Variants in POU2F1 observed in about 807,000 individuals in gnomAD.
POU2F1 encodes POU class 2 homeobox 1, also known as POU domain, class 2, transcription factor 1.
A neutral mutation model predicts 84.9 loss-of-function variants in POU2F1; 16 were observed. The ratio of observed to expected loss-of-function variants is 0.19; its 90% CI spans 0.13 to 0.29. The LOEUF (loss-of-function observed/expected upper bound fraction) is 0.29, where lower values mean the gene tolerates loss of function less well. Ranked by LOEUF, POU2F1 falls within the 10% of genes least tolerant of loss-of-function variation. The probability of loss-of-function intolerance (pLI) is 1.00; values close to 1 mark genes in which losing one functional copy is unlikely to be tolerated. For missense variants in POU2F1, 738 were observed against 942.6 expected (o/e 0.78, Z 2.84); for synonymous variants, 368 against 368.3 (o/e 1.00, Z 0.01).
intron 13 of POU2F1, among the ~76,000 whole-genome samples, chr1:167,410,796 G>A (rs1017526561): frequency 6.6e-6 from 1 of 152,078 alleles, no homozygotes; most frequent in Non-Finnish European, 1.5e-5. Flanking sequence ...GATCACAAGC[G>A]TGAGCCACCA....
chr1:167,221,876 G>A (rs1648228226), intron 1 of POU2F1, among the ~76,000 whole-genome samples: 1 of 151,860 alleles, frequency 6.6e-6, no homozygotes, highest in East Asian at 2.0e-4. Context: ...TCCTTCCGAG[G>A]GGATGTCCTC....
intron 1 of POU2F1, among the ~76,000 whole-genome samples, chr1:167,285,971 A>G (rs1653501330): frequency 6.6e-6 from 1 of 152,210 alleles, no homozygotes; most frequent in Admixed American, 6.5e-5. Context: ...GCAGAAAATC[A>G]TTAATAAATG....
chr1:167,323,063 G>A (rs1656438976), intron 1 of POU2F1, among the ~76,000 whole-genome samples: 1 of 152,182 alleles, frequency 6.6e-6, no homozygotes, highest in South Asian at 2.1e-4. Context: ...CCAGATTTGG[G>A]GGCCTATCCT....
chr1:167,410,576 C>T lies in POU2F1; in HGVS notation c.1556-1383C>T, dbSNP rs187852131. On this transcript the variant is annotated intron_variant, in intron 13 of 15. Transcript: ENST00000367866. ...CGTCACCCAGACTGGAGTGTAATGGCGTCATCTCGGCTCACTGCAACCTCC... is the reference window on the plus strand; with the variant it reads ...CGTCACCCAGACTGGAGTGTAATGGTGTCATCTCGGCTCACTGCAACCTCC... 1.9e-3 allele frequency among the ~76,000 whole-genome samples: 291 copies of T among 151,834 alleles called. 2 individuals carry two copies. Among genetic ancestry groups the T allele is most frequent in the Non-Finnish European group, 3.6e-3 (242 of 67,974 alleles).
At chr1:167,248,976 A>T (rs1455773800) in intron 1 of POU2F1, among the ~76,000 whole-genome samples, 1 of 152,198 alleles carries the variant, frequency 6.6e-6, no homozygotes, top group East Asian at 1.9e-4. Context: ...ATTTAAACCC[A>T]TGTTGTCTCA....
chr1:167,241,252 C>A (rs1025681333), intron 1 of POU2F1, among the ~76,000 whole-genome samples: 1 of 152,174 alleles, frequency 6.6e-6, no homozygotes, highest in East Asian at 1.9e-4. Flanking sequence ...AAAGCAATAA[C>A]CTTAGCAGAA....
intron 1 of POU2F1, among the ~76,000 whole-genome samples, chr1:167,327,286 A>G (rs1173035836): frequency 6.6e-6 from 1 of 152,208 alleles, no homozygotes; most frequent in Admixed American, 6.5e-5. Context: ...CAATAACCTC[A>G]TGAAAGGGAT....
intron 1 of POU2F1, among the ~76,000 whole-genome samples, chr1:167,311,054 T>C (rs577079025): frequency 6.6e-6 from 1 of 152,256 alleles, no homozygotes; most frequent in Admixed American, 6.5e-5. Flanking sequence ...AGGGTAGGGC[T>C]GAAAAGTACT....
Position 167,415,748 on chromosome 1 carries a change from T to C in POU2F1, c.2239T>C (p.Phe747Leu). 1 of 1,614,136 alleles carries C rather than the reference T, an allele frequency of 6.2e-7. No homozygotes were observed. The highest frequency in any genetic ancestry group is 8.5e-7 in the Non-Finnish European group (1 of 1,180,020). The change falls in exon 16 of 16, where the codon TTC (phenylalanine) becomes CTC (leucine). Residue 747 changes from phenylalanine to leucine, a missense_variant. This residue lies in a region of POU2F1 where 319 missense variants were observed against 386.0 expected (regional missense o/e 0.83). Coordinates refer to ENST00000367866, the MANE Select transcript of POU2F1 (RefSeq NM_002697.4). ...TGCTGAGTCCATCCAGAACTCTCTC[T>C]TCACAGTGGCCTCTGCCAGCGGGGC... is the stretch of plus-strand genomic sequence containing the variant. The part of the protein sequence containing the change: ...TSAESIQNSL[F>L]TVASASGAAS...
At chr1:167,384,213 C>T (rs1338020227) in intron 8 of POU2F1, among the ~76,000 whole-genome samples, 2 of 152,096 alleles carry the variant, frequency 1.3e-5, no homozygotes, top group African/African-American at 2.4e-5. Context: ...TATGTGACAT[C>T]TCCCCTCACC....
intron 3 of POU2F1, among the ~76,000 whole-genome samples, chr1:167,366,944 G>A (rs750310064): frequency 6.6e-6 from 1 of 152,018 alleles, no homozygotes; most frequent in Non-Finnish European, 1.5e-5. Context: ...ATCACTGAGG[G>A]TGCACAGATG....
Position 167,424,537 on chromosome 1 carries a change from G to C in POU2F1, c.*8727G>C, listed in dbSNP as rs186516133. On this transcript the variant is annotated 3_prime_UTR_variant, in exon 16 of 16. Coordinates refer to ENST00000367866, the MANE Select transcript of POU2F1 (RefSeq NM_002697.4). ...GTTGTATACCTCATTTCTAACTCGT[G>C]ACCGAGTGACTTGCTTTAACTTTCT... The C allele has an allele frequency of 1.3e-5, 2 of 152,356 alleles. No individual in the cohort carries two copies. Among genetic ancestry groups the C allele is most frequent in the Admixed American group, 1.3e-4 (2 of 15,302 alleles). 9.4% of individuals were successfully genotyped at this position (152,356 alleles called of 1,614,324 possible).
At chr1:167,367,958 C>T (rs1659789347) in intron 3 of POU2F1, among the ~76,000 whole-genome samples, 1 of 152,082 alleles carries the variant, frequency 6.6e-6, no homozygotes, top group African/African-American at 2.4e-5. Context: ...AAGTTGCAGA[C>T]ATTATAACCA....
intron 1 of POU2F1, among the ~76,000 whole-genome samples, chr1:167,266,444 TA>T (rs1405427820): frequency 1.3e-5 from 2 of 152,148 alleles, no homozygotes; most frequent in Non-Finnish European, 2.9e-5. Flanking sequence ...TTTTCATCGG[TA>T]ATTAAGTGTG....
chr1:167,399,200 C>T lies in POU2F1; in HGVS notation c.1284C>T (p.Thr428=). The change falls in exon 12 of 16, where the codon ACC becomes ACT. Residue 428 remains threonine, a synonymous_variant. Transcript: ENST00000367866. ...TCACCCTGCAGAATCAAAAGCCTAC[C>T]TCGGAAGAGATCACTATGATTGCTG... ...EKSFLENQKP[T]SEEITMIADQ... 6.2e-7 allele frequency: 1 copy of T among 1,610,770 alleles called. No homozygotes were observed. Among genetic ancestry groups the T allele is most frequent in the Non-Finnish European group, 8.5e-7 (1 of 1,178,414 alleles).
At chr1:167,370,056 C>T (rs1659911724) in intron 3 of POU2F1, 105 bp from the exon 4 acceptor site, 1 of 939,686 alleles carries the variant, frequency 1.1e-6, no homozygotes, top group Non-Finnish European at 1.5e-6. Flanking sequence ...TCTTTGTCTT[C>T]TCAGTTCTAG....
At chr1:167,297,227 T>G (rs559474787) in intron 1 of POU2F1, among the ~76,000 whole-genome samples, 24 of 152,326 alleles carry the variant, frequency 1.6e-4, no homozygotes, top group African/African-American at 5.3e-4. Flanking sequence ...TAACTCTAAC[T>G]TGTGAACACC....
chr1:167,302,293 A>G (rs1371769831), intron 1 of POU2F1, among the ~76,000 whole-genome samples: 1 of 146,556 alleles, frequency 6.8e-6, no homozygotes, highest in East Asian at 2.0e-4. Flanking sequence ...ACAGCATCTC[A>G]CTGTGTCACC....
At chr1:167,387,074 C>T (rs928578751) in intron 8 of POU2F1, 29 of 431,306 alleles carry the variant, frequency 6.7e-5, no homozygotes, top group South Asian at 3.7e-4. Flanking sequence ...TTGAAAAAAG[C>T]CTATACCAGA....
Sources: gnomAD v4.1 joint callset for allele counts (sites outside exome capture counted in the v4.1 genomes callset) on GRCh38, gnomAD v4.1.1 for gene constraint, gnomAD v4.1.1 regional missense constraint, MANE v1.5 for transcripts, NCBI Gene and HGNC (gene_info 2026-07-23, HGNC 2026-07-21) for gene names.